The following STX1A variants were observed in gnomAD, a reference collection of about 807,000 sequenced individuals.
STX1A encodes the protein syntaxin 1A.
In STX1A, 4 loss-of-function variants were observed where a neutral mutation model predicts 37.8. The ratio of observed to expected loss-of-function variants is 0.11; its 90% CI spans 0.05 to 0.24. STX1A has a LOEUF of 0.24. Among genes scored for constraint, STX1A ranks in the 10% least tolerant of loss-of-function variants. STX1A has a pLI of 1.00. For missense variants in STX1A, 251 were observed against 399.9 expected (o/e 0.63, Z 3.18); for synonymous variants, 135 against 147.4 (o/e 0.92, Z 0.61).
At chr7:73,704,536 T>C in intron 4 of STX1A, 113 bp from the exon 5 acceptor site, 2 of 1,361,292 alleles carry the variant, frequency 1.5e-6, no homozygotes, top group Non-Finnish European at 2.0e-6. Context: ...GTGTGTGGCC[T>C]GTGGCTGGTG....
At position 73,700,443 on chromosome 7, in the gene STX1A, G is replaced by C; in HGVS notation, c.831C>G (p.Ile277Met). The part of the protein sequence containing the change: ...MIIICCVILG[I>M]VIASTVGGIF... Reference sequence around the variant, plus strand: ...TGCCCCCAACAGTGGAGGCGATGACGATGCCCAGGATCACACAGCAGATGA... The same window carrying C: ...TGCCCCCAACAGTGGAGGCGATGACCATGCCCAGGATCACACAGCAGATGA... Residue 277 changes from isoleucine (I) to methionine (M), a missense_variant, in exon 10 of 10, where the codon ATC becomes ATG. Physicochemically the swap from Ile to Met is conservative, Grantham distance 10. Coordinates refer to ENST00000222812, the MANE Select transcript of STX1A (RefSeq NM_004603.4). This position sits in a 1 kb window ranked among gnomAD's most constrained non-coding sequence, Gnocchi z 4.4. The C allele has an allele frequency of 6.2e-7, 1 of 1,614,070 alleles. No homozygotes were observed. Among genetic ancestry groups the C allele is most frequent in the East Asian group, 2.2e-5 (1 of 44,856 alleles).
chr7:73,700,563 T>C lies in STX1A; in HGVS notation c.790-79A>G, dbSNP rs546161594. On this transcript the variant is annotated intron_variant, in intron 9 of 9. Coordinates refer to ENST00000222812, the MANE Select transcript of STX1A (RefSeq NM_004603.4). The surrounding 1 kb of genome is among the most constrained non-coding windows in gnomAD (Gnocchi z 4.4). ...TGGGACTATGGCAAAGGCTGAGGACTGGACAGTCGGGGGGGATCCAAGCAG... is the reference window on the plus strand; with the variant it reads ...TGGGACTATGGCAAAGGCTGAGGACCGGACAGTCGGGGGGGATCCAAGCAG... The C allele has an allele frequency of 1.5e-5, 24 of 1,548,394 alleles. No individual in the cohort carries two copies. In the East Asian group the frequency reaches 5.6e-4, roughly 36 times the overall value.
At position 73,705,266 on chromosome 7, in the gene STX1A, G is replaced by T. The variant is rs542013006; in HGVS notation, c.209-42C>A. On this transcript the variant is annotated intron_variant, in intron 3 of 9. Coordinates refer to ENST00000222812, the MANE Select transcript of STX1A (RefSeq NM_004603.4). The surrounding 1 kb of genome is among the most constrained non-coding windows in gnomAD (Gnocchi z 5.2). Reference sequence around the variant, plus strand: ...GGTGGGGGTAGGCCTCCTAGGCTCCGCGGGGACTGATGTGCAGGCTCAGCC... The same window carrying T: ...GGTGGGGGTAGGCCTCCTAGGCTCCTCGGGGACTGATGTGCAGGCTCAGCC... The T allele has an allele frequency of 1.1e-4, 169 of 1,546,894 alleles. 2 individuals are homozygous for T. In the Middle Eastern group the frequency reaches 1.9e-3, roughly 18 times the overall value.
intron 6 of STX1A, 45 bp from the exon 7 acceptor site, chr7:73,703,873 G>A (rs1554616326): frequency 6.3e-7 from 1 of 1,592,658 alleles, no homozygotes. Context: ...TCTTCGGGGA[G>A]TTCAGCAGCA....
intron 4 of STX1A, 148 bp from the exon 5 acceptor site, chr7:73,704,571 G>C (rs1354443839): frequency 3.1e-6 from 3 of 952,656 alleles, no homozygotes; most frequent in Non-Finnish European, 4.8e-6. Context: ...CACCGATGGA[G>C]GAGGGGCCTA....
At chr7:73,704,524 A>G in intron 4 of STX1A, 101 bp from the exon 5 acceptor site, 2 of 1,459,176 alleles carry the variant, frequency 1.4e-6, no homozygotes, top group East Asian at 4.8e-5. Flanking sequence ...CCCCTAGGGT[A>G]TGTGTGTGGC....
At chr7:73,713,869 C>T (rs1554618318) in intron 1 of STX1A, among the ~76,000 whole-genome samples, 2 of 152,216 alleles carry the variant, frequency 1.3e-5, no homozygotes, top group Non-Finnish European at 2.9e-5. Context: ...GAACCCTTCG[C>T]TGTGCAGGTG....
chr7:73,710,754 C>A (rs572704973), intron 1 of STX1A, among the ~76,000 whole-genome samples: 1 of 152,206 alleles, frequency 6.6e-6, no homozygotes, highest in Non-Finnish European at 1.5e-5. Flanking sequence ...GAGTGCCTCA[C>A]GGGAGTGGCC....
Position 73,707,839 on chromosome 7 carries a change from G to A in STX1A, c.208+750C>T, listed in dbSNP as rs183543216. 3.6e-3 allele frequency among the ~76,000 whole-genome samples: 549 copies of A among 151,648 alleles called. 3 individuals are homozygous for A. The highest frequency in any genetic ancestry group is 6.3e-3 in the Non-Finnish European group (431 of 67,926). ...AATCCCAGCTACTTGGGAGGCTGACGTAGGAGAATTGCTTGAACCTGGGAG... is the reference window on the plus strand; with the variant it reads ...AATCCCAGCTACTTGGGAGGCTGACATAGGAGAATTGCTTGAACCTGGGAG... On this transcript the variant is annotated intron_variant, in intron 3 of 9. Coordinates refer to ENST00000222812, the MANE Select transcript of STX1A (RefSeq NM_004603.4).
chr7:73,705,318 C>T lies in STX1A; in HGVS notation c.209-94G>A. On this transcript the variant is annotated intron_variant, in intron 3 of 9. Coordinates refer to ENST00000222812, the MANE Select transcript of STX1A (RefSeq NM_004603.4). The surrounding 1 kb of genome is among the most constrained non-coding windows in gnomAD (Gnocchi z 5.2). Reference sequence around the variant, plus strand: ...CCAGCCCAGGGGGCCCAGTGGGAGGCTCTGGGAAGATCCCTGTTCTCCCCT... The same window carrying T: ...CCAGCCCAGGGGGCCCAGTGGGAGGTTCTGGGAAGATCCCTGTTCTCCCCT... The T allele has an allele frequency of 9.6e-7, 1 of 1,041,568 alleles. No homozygotes were observed. Among genetic ancestry groups the T allele is most frequent in the Non-Finnish European group, 1.5e-6 (1 of 668,844 alleles). 64.5% of individuals were successfully genotyped at this position (1,041,568 alleles called of 1,614,324 possible). A position where few individuals can be genotyped will look rare whatever the true frequency, so the allele number is the denominator to read the frequency against.
chr7:73,717,812 T>C lies in STX1A; in HGVS notation c.30+1790A>G, dbSNP rs1173796220. On this transcript the variant is annotated intron_variant, in intron 1 of 9. Transcript: ENST00000222812. This position sits in a 1 kb window ranked among gnomAD's most constrained non-coding sequence, Gnocchi z 4.1. ...AGCAAAAAGATCTGGGTTCAAACGC[T>C]TCACAACCCCAGCTCCACTGGCTGT... Among the ~76,000 whole-genome samples the C allele has an allele frequency of 6.6e-6, 1 of 152,102 alleles. No homozygotes were observed. Among genetic ancestry groups the C allele is most frequent in the African/African-American group, 2.4e-5 (1 of 41,412 alleles).
chr7:73,704,281 G>C (rs782556908), intron 5 of STX1A, 25 bp from the exon 6 acceptor site: 2 of 1,613,942 alleles, frequency 1.2e-6, no homozygotes, highest in Non-Finnish European at 1.7e-6. Context: ...TGGAGGTGCA[G>C]GGGTCAGGCC....
chr7:73,706,384 GC>G lies in STX1A; in HGVS notation c.209-1161del, dbSNP rs1381486717. Among the ~76,000 whole-genome samples the G allele has an allele frequency of 2.0e-5, 3 of 152,118 alleles. No individual in the cohort carries two copies. The highest frequency in any genetic ancestry group is 1.5e-5 in the Non-Finnish European group (1 of 68,014). ...CCAAAATAGCCCAGGCCGGATGGCAGCCCCCAGAGGAGGCAGAGCCTGCCTT... is the reference window on the plus strand; with the variant it reads ...CCAAAATAGCCCAGGCCGGATGGCAGCCCCAGAGGAGGCAGAGCCTGCCTT... On this transcript the variant is annotated intron_variant, in intron 3 of 9. Transcript: ENST00000222812. The surrounding 1 kb of genome is among the most constrained non-coding windows in gnomAD (Gnocchi z 4.6).
chr7:73,710,828 T>C (rs944753723), intron 1 of STX1A, among the ~76,000 whole-genome samples: 1 of 152,126 alleles, frequency 6.6e-6, no homozygotes, highest in Non-Finnish European at 1.5e-5. Context: ...CAGGTGGAGG[T>C]TGAGGGGCTG....
At position 73,700,243 on chromosome 7, in the gene STX1A, G is replaced by A. The variant is rs1798598086; in HGVS notation, c.*164C>T. On this transcript the variant is annotated 3_prime_UTR_variant, in exon 10 of 10. Transcript: ENST00000222812. The surrounding 1 kb of genome is among the most constrained non-coding windows in gnomAD (Gnocchi z 4.4). ...CTCACAGAGATCATGCACACGACAC[G>A]GGGCGGGGACGGAGGGCCCATGGCA... 1.2e-5 allele frequency: 8 copies of A among 664,462 alleles called. No homozygotes were observed. Among genetic ancestry groups the A allele is most frequent in the Non-Finnish European group, 1.9e-5 (7 of 376,142 alleles). 41.2% of individuals were successfully genotyped at this position (664,462 alleles called of 1,614,324 possible). A position where few individuals can be genotyped will look rare whatever the true frequency, so the allele number is the denominator to read the frequency against.
Position 73,708,048 on chromosome 7 carries a change from G to A in STX1A, c.208+541C>T, listed in dbSNP as rs538112002. Among the ~76,000 whole-genome samples, 4 of 151,414 alleles carry A rather than the reference G, an allele frequency of 2.6e-5. No homozygotes were observed. In the South Asian group the frequency reaches 6.2e-4, roughly 24 times the overall value. Reference sequence around the variant, plus strand: ...TGGGAGGCTGAAGCAGGTGGATCACGAGGTCAGGAGATCAAGACTGTCTTG... The same window carrying A: ...TGGGAGGCTGAAGCAGGTGGATCACAAGGTCAGGAGATCAAGACTGTCTTG... On this transcript the variant is annotated intron_variant, in intron 3 of 9. Transcript: ENST00000222812.
chr7:73,704,197 G>C lies in STX1A; in HGVS notation c.417C>G (p.Ser139=). The C allele has an allele frequency of 6.2e-7, 1 of 1,613,394 alleles. No individual in the cohort carries two copies. The highest frequency in any genetic ancestry group is 2.2e-5 in the East Asian group (1 of 44,864). ...EVMSEYNATQ[S]DYRERCKGRI... ...GGCCTTTGCAGCGCTCGCGGTAGTC[G>C]GACTGCGTGGCGTTGTACTCCGACA... is the stretch of plus-strand genomic sequence containing the variant. Residue 139 remains serine (S), a synonymous_variant, in exon 6 of 10, where the codon TCC becomes TCG. Transcript: ENST00000222812.
chr7:73,702,634 TG>T lies in STX1A; in HGVS notation c.678+210del. The T allele has an allele frequency of 1.4e-6, 2 of 1,417,418 alleles. No homozygotes were observed. The highest frequency in any genetic ancestry group is 9.3e-7 in the Non-Finnish European group (1 of 1,077,610). 87.8% of individuals were successfully genotyped at this position (1,417,418 alleles called of 1,614,324 possible). ...ATAGAGGGTGGGGCCATGCAGGGCC[TG>T]GGGTCCTTGAAGCTCAAGCAGAGCC... On this transcript the variant is annotated intron_variant, in intron 8 of 9. Coordinates refer to ENST00000222812, the MANE Select transcript of STX1A (RefSeq NM_004603.4). The surrounding 1 kb of genome is among the most constrained non-coding windows in gnomAD (Gnocchi z 4.7).
Position 73,700,571 on chromosome 7 carries a change from C to CG in STX1A, c.790-88dup, listed in dbSNP as rs112399048. 5.1e-5 allele frequency: 77 copies of CG among 1,503,936 alleles called. No individual in the cohort carries two copies. Among genetic ancestry groups the CG allele is most frequent in the African/African-American group, 1.3e-4 (9 of 68,010 alleles). The allele number at this position is 1,503,936 out of a possible 1,614,324, so 93.2% of individuals were successfully genotyped here. A position where few individuals can be genotyped will look rare whatever the true frequency, so the allele number is the denominator to read the frequency against. On this transcript the variant is annotated intron_variant, in intron 9 of 9. Transcript: ENST00000222812. The surrounding 1 kb of genome is among the most constrained non-coding windows in gnomAD (Gnocchi z 4.4). ...TGGCAAAGGCTGAGGACTGGACAGTCGGGGGGGATCCAAGCAGGGGAAGGT... is the reference window on the plus strand; with the variant it reads ...TGGCAAAGGCTGAGGACTGGACAGTCGGGGGGGGATCCAAGCAGGGGAAGGT...
Sources: allele counts gnomAD v4.1 joint callset (sites outside exome capture counted in the v4.1 genomes callset), GRCh38; gene constraint gnomAD v4.1.1; non-coding constraint Gnocchi (gnomAD v3.1); transcripts MANE v1.5; gene names NCBI Gene and HGNC (gene_info 2026-07-23, HGNC 2026-07-21).